Variants in SIPA1L1 observed in about 807,000 individuals in gnomAD.
SIPA1L1 encodes the protein signal-induced proliferation-associated 1-like protein 1.
Under a neutral mutation model 162.7 loss-of-function variants are expected in SIPA1L1, and 26 were observed. The observed-to-expected ratio is 0.16, with a 90% CI of 0.12 to 0.22. SIPA1L1 has a LOEUF of 0.22. SIPA1L1 is among the 10% of genes least tolerant of loss of function. The pLI is 1.00. For synonymous variants in SIPA1L1, 829 were observed against 837.4 expected (o/e 0.99, Z 0.17); for missense variants, 1,874 against 2,241.0 (o/e 0.84, Z 3.31).
intron 2 of SIPA1L1, among the ~76,000 whole-genome samples, chr14:71,360,337 A>G (rs1157807282): frequency 1.3e-5 from 2 of 152,246 alleles, no homozygotes; most frequent in Non-Finnish European, 2.9e-5. Context: ...GGAAGATATT[A>G]AGAAACCTAG....
intron 22 of SIPA1L1, among the ~76,000 whole-genome samples, chr14:71,735,813 G>A (rs994503474): frequency 3.9e-5 from 6 of 152,128 alleles, no homozygotes; most frequent in Admixed American, 2.0e-4. Flanking sequence ...GCTGCTTCAC[G>A]TCTGTGTGTT....
At position 71,624,137 on chromosome 14, in the gene SIPA1L1, G is replaced by A; in HGVS notation, c.1719G>A (p.Val573=). Residue 573 remains valine, a synonymous_variant, in exon 7 of 24, where the codon GTG becomes GTA. Transcript: ENST00000381232. Reference sequence around the variant, plus strand: ...CCAGAGGCCTGCCTCTCAAAGAAGTGCTGGAGCACGTGGTTCCTGAGCTCA... The same window carrying A: ...CCAGAGGCCTGCCTCTCAAAGAAGTACTGGAGCACGTGGTTCCTGAGCTCA... ...STARGLPLKE[V]LEHVVPELNV... is the part of the protein sequence containing the mutation. The A allele has an allele frequency of 6.2e-7, 1 of 1,614,202 alleles. No individual in the cohort carries two copies. Among genetic ancestry groups the A allele is most frequent in the Non-Finnish European group, 8.5e-7 (1 of 1,180,018 alleles).
At chr14:71,341,276 G>A (rs534240943) in intron 2 of SIPA1L1, among the ~76,000 whole-genome samples, 2 of 152,318 alleles carry the variant, frequency 1.3e-5, no homozygotes, top group East Asian at 1.9e-4. Context: ...ACATCTTCAC[G>A]TTACTTCCCA....
chr14:71,716,872 A>G (rs778795338), intron 17 of SIPA1L1, among the ~76,000 whole-genome samples: 4 of 152,200 alleles, frequency 2.6e-5, no homozygotes, highest in African/African-American at 4.8e-5. Context: ...GTTTGGACAG[A>G]TTCAGGCTGT....
At chr14:71,735,510 G>GGCTA in intron 22 of SIPA1L1, 119 bp downstream of exon 22, 1 of 629,700 alleles carries the variant, frequency 1.6e-6, no homozygotes, top group Non-Finnish European at 2.8e-6. Flanking sequence ...ATCACTGCAG[G>GGCTA]GCTAGACACT....
chr14:71,708,015 G>GTTTTTTTTTTTTTTTTTTTTTTTTTTT (rs34838057), intron 16 of SIPA1L1, among the ~76,000 whole-genome samples: 1 of 100,298 alleles, frequency 1.0e-5, no homozygotes, highest in Admixed American at 1.1e-4. Context: ...GTTTTTTGGT[G>GTTTTTTTTTTTTTTTTTTTTTTTTTTT]TTTTTTTTTT....
intron 23 of SIPA1L1, 103 bp from the exon 24 acceptor site, chr14:71,738,915 G>T (rs1441297164): frequency 2.9e-6 from 4 of 1,366,776 alleles, no homozygotes; most frequent in Non-Finnish European, 3.0e-6. Context: ...ACGAAGAATA[G>T]AAATGGACAA....
chr14:71,606,724 C>A (rs1367932013), intron 5 of SIPA1L1, among the ~76,000 whole-genome samples: 1 of 151,984 alleles, frequency 6.6e-6, no homozygotes, highest in Non-Finnish European at 1.5e-5. Flanking sequence ...CTCCACGCTC[C>A]CAACCGGTCC....
At chr14:71,608,529 T>TTA (rs2037795928) in intron 5 of SIPA1L1, among the ~76,000 whole-genome samples, 2 of 152,168 alleles carry the variant, frequency 1.3e-5, no homozygotes, top group South Asian at 4.1e-4. Flanking sequence ...GTTGCATTAA[T>TTA]ATGCAACTTT....
intron 7 of SIPA1L1, among the ~76,000 whole-genome samples, chr14:71,640,375 A>T (rs1269841497): frequency 1.3e-5 from 2 of 152,154 alleles, no homozygotes; most frequent in African/African-American, 2.4e-5. Context: ...GAAAAAAAAA[A>T]TTTGAGAAAT....
chr14:71,682,580 G>C (rs1025681478), intron 12 of SIPA1L1, among the ~76,000 whole-genome samples: 3 of 152,240 alleles, frequency 2.0e-5, no homozygotes, highest in African/African-American at 7.2e-5. Flanking sequence ...TTTGGCCAAT[G>C]TGGGATATGA....
intron 5 of SIPA1L1, among the ~76,000 whole-genome samples, chr14:71,602,909 A>G (rs2036955028): frequency 6.6e-6 from 1 of 152,260 alleles, no homozygotes; most frequent in African/African-American, 2.4e-5. Context: ...CCATCCATGG[A>G]AAAATTGTCT....
chr14:71,420,362 T>C (rs2043094307), intron 2 of SIPA1L1, among the ~76,000 whole-genome samples: 1 of 152,214 alleles, frequency 6.6e-6, no homozygotes, highest in Non-Finnish European at 1.5e-5. Flanking sequence ...GGTGGCATTA[T>C]TCGAACAGGG....
chr14:71,535,870 A>C (rs955534897), intron 4 of SIPA1L1, among the ~76,000 whole-genome samples: 1 of 152,204 alleles, frequency 6.6e-6, no homozygotes, highest in African/African-American at 2.4e-5. Context: ...TGGGCCTCGC[A>C]AAATGCACGG....
chr14:71,559,170 C>T lies in SIPA1L1; in HGVS notation c.-302-28401C>T, dbSNP rs561698747. Among the ~76,000 whole-genome samples, 4 of 151,754 alleles carry T rather than the reference C, an allele frequency of 2.6e-5. No individual in the cohort carries two copies. The South Asian group carries it at 6.2e-4, about 24-fold the overall frequency. ...GCAACCTCCGCCTCCCTGGTTCAAG[C>T]GATTCTACTACCTCAGCCTCCCGAG... On this transcript the variant is annotated intron_variant, in intron 4 of 23. Transcript: ENST00000381232.
At chr14:71,688,453 A>G (rs971024779) in intron 13 of SIPA1L1, among the ~76,000 whole-genome samples, 2 of 152,240 alleles carry the variant, frequency 1.3e-5, no homozygotes, top group Non-Finnish European at 2.9e-5. Flanking sequence ...TTGAGGATAG[A>G]GCAGATTCAT....
intron 2 of SIPA1L1, among the ~76,000 whole-genome samples, chr14:71,398,872 C>G: frequency 6.6e-6 from 1 of 152,228 alleles, no homozygotes; most frequent in East Asian, 1.9e-4. Flanking sequence ...AGTTCAAGAT[C>G]ATCATGATCT....
chr14:71,648,593 A>G (rs79064452), intron 7 of SIPA1L1, among the ~76,000 whole-genome samples: 1 of 152,188 alleles, frequency 6.6e-6, no homozygotes, highest in Non-Finnish European at 1.5e-5. Context: ...AAAATGTATG[A>G]CCCATATAGT....
chr14:71,356,813 A>G (rs537175993), intron 2 of SIPA1L1, among the ~76,000 whole-genome samples: 2 of 151,662 alleles, frequency 1.3e-5, no homozygotes, highest in African/African-American at 2.4e-5. Flanking sequence ...TAGCAGGGGT[A>G]TGTTGATAGG....
Sources: allele counts gnomAD v4.1 joint callset (sites outside exome capture counted in the v4.1 genomes callset), GRCh38; gene constraint gnomAD v4.1.1; transcripts MANE v1.5; gene names NCBI Gene and HGNC (gene_info 2026-07-23, HGNC 2026-07-21).